NYAP2: variants seen among roughly 807,000 people sequenced by gnomAD.
NYAP2 encodes the protein neuronal tyrosine-phosphorylated phosphoinositide-3-kinase adaptor 2.
In NYAP2, 23 loss-of-function variants were observed where a neutral mutation model predicts 50.4. That is an observed-to-expected ratio of 0.46 (90% CI 0.33 to 0.65). The LOEUF is 0.65. Ranked by LOEUF, NYAP2 falls within the 30% of genes least tolerant of loss-of-function variation. NYAP2 has a pLI of 0.02. For missense variants in NYAP2, 885 were observed against 861.0 expected, an observed-to-expected ratio of 1.03 and a Z score of -0.35; for synonymous variants, 394 against 365.2, an observed-to-expected ratio of 1.08 and a Z score of -0.90.
At chr2:225,453,479 A>G (rs1485776014) in intron 3 of NYAP2, among the ~76,000 whole-genome samples, 4 of 152,214 alleles carry the variant, frequency 2.6e-5, no homozygotes, top group Admixed American at 1.3e-4. Context: ...ATGAAAATTA[A>G]TACAAATATA....
chr2:225,616,809 C>T (rs1692999693), intron 5 of NYAP2, among the ~76,000 whole-genome samples: 1 of 152,124 alleles, frequency 6.6e-6, no homozygotes, highest in African/African-American at 2.4e-5. Flanking sequence ...AGGGCTGTTT[C>T]AGTCCTAAAA....
intron 3 of NYAP2, among the ~76,000 whole-genome samples, chr2:225,474,194 G>A (rs1690062466): frequency 6.6e-6 from 1 of 152,176 alleles, no homozygotes; most frequent in Non-Finnish European, 1.5e-5. Flanking sequence ...CCAGTACCAT[G>A]CTGTTTTGGT....
At chr2:225,676,990 C>T in the NYAP2 span, among the ~76,000 whole-genome samples, 1 of 152,022 alleles carries the variant, frequency 6.6e-6, no homozygotes, top group Non-Finnish European at 1.5e-5. Flanking sequence ...TGTAAGTTGC[C>T]TTAGGCAGTA....
chr2:225,419,917 TATC>T (rs1258492514), intron 3 of NYAP2, among the ~76,000 whole-genome samples: 1 of 152,212 alleles, frequency 6.6e-6, no homozygotes, highest in Non-Finnish European at 1.5e-5. Flanking sequence ...TTTTCTAAGT[TATC>T]ATTTTGTTTT....
At chr2:225,577,916 C>T (rs1692196431) in intron 4 of NYAP2, among the ~76,000 whole-genome samples, 1 of 151,516 alleles carries the variant, frequency 6.6e-6, no homozygotes, top group South Asian at 2.1e-4. Context: ...CTCTAAACAT[C>T]CTCACACCCT....
intron 3 of NYAP2, among the ~76,000 whole-genome samples, chr2:225,446,250 A>C (rs58986766): frequency 0.42 from 28,985 of 69,160 alleles, 6,616 homozygotes; most frequent in Non-Finnish European, 0.58. Context: ...CTCTCTCTAT[A>C]TATATATATA....
chr2:225,665,773 C>G, the NYAP2 span, among the ~76,000 whole-genome samples: 1 of 129,918 alleles, frequency 7.7e-6, no homozygotes, highest in Non-Finnish European at 1.5e-5. Context: ...TGTGCCATTG[C>G]ACTCCAGCCT....
intron 5 of NYAP2, among the ~76,000 whole-genome samples, chr2:225,594,321 T>A (rs1381132742): frequency 6.6e-6 from 1 of 151,934 alleles, no homozygotes; most frequent in Admixed American, 6.6e-5. Flanking sequence ...GTCAGGAGTT[T>A]GAGACCAGCC....
chr2:225,572,950 A>G (rs781591665), intron 4 of NYAP2, among the ~76,000 whole-genome samples: 4 of 152,116 alleles, frequency 2.6e-5, no homozygotes, highest in Admixed American at 2.0e-4. Context: ...TCTGATTTCA[A>G]TCCAGATTTT....
downstream of NYAP2, among the ~76,000 whole-genome samples, chr2:225,656,128 G>A (rs1693821415): frequency 6.6e-6 from 1 of 152,104 alleles, no homozygotes; most frequent in South Asian, 2.1e-4. Context: ...ATTTGGGGGA[G>A]GGAGGTAGGA....
At chr2:225,504,459 A>G (rs1052713656) in intron 3 of NYAP2, among the ~76,000 whole-genome samples, 1 of 152,172 alleles carries the variant, frequency 6.6e-6, no homozygotes, top group African/African-American at 2.4e-5. Flanking sequence ...CATTCAGTCT[A>G]TAGCACCTGT....
intron 4 of NYAP2, among the ~76,000 whole-genome samples, chr2:225,572,240 T>G (rs2106222654): frequency 6.6e-6 from 1 of 152,344 alleles, no homozygotes; most frequent in Admixed American, 6.5e-5. Context: ...CCAAAGTGAC[T>G]TCCACATTTT....
the NYAP2 span, among the ~76,000 whole-genome samples, chr2:225,661,549 A>G: frequency 6.6e-6 from 1 of 152,104 alleles, no homozygotes; most frequent in Non-Finnish European, 1.5e-5. Context: ...GTAATATTAT[A>G]CCCGTTTCAC....
At chr2:225,496,726 G>A (rs1424308578) in intron 3 of NYAP2, among the ~76,000 whole-genome samples, 1 of 152,002 alleles carries the variant, frequency 6.6e-6, no homozygotes, top group Non-Finnish European at 1.5e-5. Context: ...CCTTCCATGT[G>A]TACAGGAAGG....
intron 3 of NYAP2, among the ~76,000 whole-genome samples, chr2:225,512,852 TCTTCCTTCCTTCCTTCCTTC>T (rs762260450): frequency 1.1e-3 from 130 of 123,658 alleles, no homozygotes; most frequent in Middle Eastern, 4.3e-3. Context: ...TTTCTTTCTT[TCTTCCTTCCTTCCTTCCTTC>T]CTTCCTTCCT....
chr2:225,618,185 C>T (rs1462520101), intron 5 of NYAP2, among the ~76,000 whole-genome samples: 1 of 152,236 alleles, frequency 6.6e-6, no homozygotes, highest in Non-Finnish European at 1.5e-5. Flanking sequence ...ATATACACAG[C>T]TACCGTACCA....
intron 4 of NYAP2, among the ~76,000 whole-genome samples, chr2:225,562,831 C>T (rs1463451444): frequency 6.6e-6 from 1 of 152,076 alleles, no homozygotes; most frequent in Non-Finnish European, 1.5e-5. Context: ...TTGTCGGTAC[C>T]TAAATTGCCA....
rs190677602 is a variant in NYAP2, at chr2:225,539,251, G to A, written c.523+25579G>A. 2.0e-3 allele frequency among the ~76,000 whole-genome samples: 311 copies of A among 152,242 alleles called. 1 individual carries two copies. The highest frequency in any genetic ancestry group is 7.0e-3 in the African/African-American group (291 of 41,542). On this transcript the variant is annotated intron_variant, in intron 4 of 6. Transcript: ENST00000636099. ...TCTTAATCCAGTCTATCATTGATGGGCATTTGGGTTGGTTCCAAGTCTTTG... is the reference window on the plus strand; with the variant it reads ...TCTTAATCCAGTCTATCATTGATGGACATTTGGGTTGGTTCCAAGTCTTTG...
chr2:225,690,392 T>C, the NYAP2 span, among the ~76,000 whole-genome samples: 2 of 152,124 alleles, frequency 1.3e-5, no homozygotes, highest in South Asian at 2.1e-4. Context: ...CTCTACGTTA[T>C]ATCAATTTCA....
Sources: gnomAD v4.1 joint callset for allele counts (sites outside exome capture counted in the v4.1 genomes callset) on GRCh38, gnomAD v4.1.1 for gene constraint, MANE v1.5 for transcripts, NCBI Gene and HGNC (gene_info 2026-07-23, HGNC 2026-07-21) for gene names.